MGST1: variants seen among roughly 807,000 people sequenced by gnomAD.
The protein encoded by MGST1 is microsomal glutathione S-transferase 1, also known as glutathione S-transferase 12.
MGST1 carries 5 observed loss-of-function variants against 8.9 expected under a neutral mutation model. That is an observed-to-expected ratio of 0.56 (90% CI 0.29 to 1.19). MGST1 has a LOEUF of 1.19. MGST1 is among the 50% of genes most tolerant of loss of function. The pLI is 0.08. For missense variants in MGST1, 182 were observed against 187.4 expected, an observed-to-expected ratio of 0.97 and a Z score of 0.17; for synonymous variants, 54 against 67.8, an observed-to-expected ratio of 0.80 and a Z score of 1.00.
intron 1 of MGST1, among the ~76,000 whole-genome samples, chr12:16,405,592 A>G (rs1421771157): frequency 1.3e-5 from 2 of 152,114 alleles, no homozygotes; most frequent in African/African-American, 4.8e-5. Context: ...TGATACCAAA[A>G]CCTGGCAGAA....
At chr12:16,461,710 T>C (rs1941222781) in intron 4 of MGST1, among the ~76,000 whole-genome samples, 1 of 152,162 alleles carries the variant, frequency 6.6e-6, no homozygotes. Flanking sequence ...AATATTAATA[T>C]GTGTCTCAAT....
Position 16,495,528 on chromosome 12 carries a change from T to G in MGST1, n.483-94000T>G, listed in dbSNP as rs566892374. ...CCAATAAAATAAAATGCAAGGTGAT[T>G]TGGAACTTTGATGCTCATGGTATAT... On this transcript the variant is annotated intron_variant and non_coding_transcript_variant, in intron 4 of 4. Transcript: ENST00000538857. 2.0e-5 allele frequency among the ~76,000 whole-genome samples: 3 copies of G among 152,188 alleles called. 1 individual carries two copies. In the East Asian group the frequency reaches 5.8e-4, roughly 29 times the overall value.
At chr12:16,472,741 T>C (rs947628444) in intron 4 of MGST1, among the ~76,000 whole-genome samples, 25 of 152,170 alleles carry the variant, frequency 1.6e-4, no homozygotes, top group African/African-American at 6.0e-4. Flanking sequence ...ACTTAGGTAG[T>C]GAATGAGTTT....
chr12:16,528,304 T>C (rs1427559491), intron 4 of MGST1, among the ~76,000 whole-genome samples: 3 of 151,914 alleles, frequency 2.0e-5, no homozygotes, highest in African/African-American at 7.2e-5. Context: ...ACTCAAGATA[T>C]GGTACTCTGG....
chr12:16,486,775 C>T (rs1009409137), intron 4 of MGST1, among the ~76,000 whole-genome samples: 1 of 152,144 alleles, frequency 6.6e-6, no homozygotes, highest in Non-Finnish European at 1.5e-5. Context: ...AATCATGTCA[C>T]GTAGCTGAAT....
At chr12:16,540,682 G>A (rs1332375970) in intron 4 of MGST1, among the ~76,000 whole-genome samples, 1 of 152,236 alleles carries the variant, frequency 6.6e-6, no homozygotes, top group African/African-American at 2.4e-5. Flanking sequence ...TGTAATGCCA[G>A]CACTTTGGGA....
intron 1 of MGST1, chr12:16,400,178 A>AG (rs1940642370): frequency 1.7e-6 from 2 of 1,154,140 alleles, no homozygotes; most frequent in Non-Finnish European, 2.6e-6. Flanking sequence ...TGTTTCCCTA[A>AG]GTCCGTGGTT....
intron 4 of MGST1, among the ~76,000 whole-genome samples, chr12:16,457,730 T>C (rs1470051239): frequency 1.3e-5 from 2 of 152,130 alleles, no homozygotes; most frequent in African/African-American, 4.8e-5. Context: ...ATCAAGGAAG[T>C]AATCTGCAGG....
At chr12:16,459,276 T>A (rs911270874) in intron 4 of MGST1, among the ~76,000 whole-genome samples, 1 of 152,074 alleles carries the variant, frequency 6.6e-6, no homozygotes, top group African/African-American at 2.4e-5. Context: ...TATAATAATA[T>A]CATCACCTAA....
At chr12:16,507,193 G>A (rs982811122) in intron 4 of MGST1, among the ~76,000 whole-genome samples, 2 of 152,092 alleles carry the variant, frequency 1.3e-5, no homozygotes, top group Non-Finnish European at 2.9e-5. Flanking sequence ...AAAGCAGAGG[G>A]TTCAAAACTT....
intron 1 of MGST1, among the ~76,000 whole-genome samples, chr12:16,432,784 T>C (rs1483112793): frequency 1.3e-5 from 2 of 151,564 alleles, no homozygotes; most frequent in Non-Finnish European, 2.9e-5. Flanking sequence ...CAATAGGCTG[T>C]GTAGATAAAT....
intron 1 of MGST1, among the ~76,000 whole-genome samples, chr12:16,349,572 C>T (rs936523442): frequency 1.3e-5 from 2 of 152,058 alleles, no homozygotes; most frequent in Non-Finnish European, 2.9e-5. Context: ...TCCTTACATA[C>T]TAAAGGTAGA....
intron 1 of MGST1, among the ~76,000 whole-genome samples, chr12:16,409,280 T>TTG (rs570470573): frequency 6.6e-6 from 1 of 151,852 alleles, no homozygotes; most frequent in African/African-American, 2.4e-5. Context: ...ATGTGTGTGT[T>TTG]TGTGTGTGTG....
rs3029719 is a variant in MGST1 at position 16,544,221 on chromosome 12, T to TACACAC, written n.483-45269_483-45264dup. Among the ~76,000 whole-genome samples, 5,701 of 138,754 alleles carry TACACAC rather than the reference T, an allele frequency of 0.041. 154 individuals are homozygous for TACACAC. Among genetic ancestry groups the TACACAC allele is most frequent in the African/African-American group, 0.075 (2,779 of 36,910 alleles). The allele number at this position is 138,754 out of a possible 152,430, so 91.0% of individuals were successfully genotyped here. On this transcript the variant is annotated intron_variant and non_coding_transcript_variant, in intron 4 of 4. Coordinates refer to the MGST1 transcript ENST00000538857. The surrounding 1 kb of genome is among the most constrained non-coding windows in gnomAD (Gnocchi z 4.8). ...TTAAATTGACACCTTAAGTAAGAAC[T>TACACAC]ACACACACACACACACACACACACA...
In MGST1 at chr12:16,363,811, C is replaced by T. The variant is rs1940107860; in HGVS notation, c.238C>T (p.Leu80Phe). Residue 80 changes from leucine to phenylalanine, a missense_variant, in exon 4 of 4, where the codon CTT (leucine) becomes TTT (phenylalanine). Leu to Phe is a conservative substitution (Grantham distance 22). Transcript: ENST00000396210. The surrounding 1 kb of genome is among the most constrained non-coding windows in gnomAD (Gnocchi z 4.6). ...TTTCCACAGAGCCCACCTGAATGAC[C>T]TTGAAAATATTATTCCATTTCTTGG... ...ERVRRAHLNDLENIIPFLGIG... is the reference protein window; with the variant it reads ...ERVRRAHLNDFENIIPFLGIG... 7 of 1,604,848 alleles carry T rather than the reference C, an allele frequency of 4.4e-6. No individual in the cohort carries two copies. Among genetic ancestry groups the T allele is most frequent in the Non-Finnish European group, 6.0e-6 (7 of 1,172,736 alleles).
rs1377501587 is a variant in MGST1, at chr12:16,517,092, A to T, written n.483-72436A>T. Among the ~76,000 whole-genome samples, 2 of 152,224 alleles carry T rather than the reference A, an allele frequency of 1.3e-5. No individual in the cohort carries two copies. The highest frequency in any genetic ancestry group is 4.8e-5 in the African/African-American group (2 of 41,468). ...ATGAAATTGGAGTTACATTAAAAAA[A>T]ATCAATATGTAACCTGAGAAGCGAT... On this transcript the variant is annotated intron_variant and non_coding_transcript_variant, in intron 4 of 4. Transcript: ENST00000538857. The surrounding 1 kb of genome is among the most constrained non-coding windows in gnomAD (Gnocchi z 4.2).
chr12:16,442,802 C>A (rs2137104793), downstream of MGST1, among the ~76,000 whole-genome samples: 1 of 150,780 alleles, frequency 6.6e-6, no homozygotes, highest in Middle Eastern at 3.4e-3. This position sits in a 1 kb window ranked among gnomAD's most constrained non-coding sequence, Gnocchi z 4.5. Flanking sequence ...CTTTTTTTTT[C>A]TTGGTCTGCT....
chr12:16,465,595 A>G (rs950407043), intron 4 of MGST1, among the ~76,000 whole-genome samples: 2 of 152,152 alleles, frequency 1.3e-5, no homozygotes, highest in African/African-American at 4.8e-5. Context: ...CCTTATAATA[A>G]TCTAATGCCT....
At chr12:16,539,229 C>T (rs1052671941) in intron 4 of MGST1, among the ~76,000 whole-genome samples, 1 of 151,892 alleles carries the variant, frequency 6.6e-6, no homozygotes, top group Non-Finnish European at 1.5e-5. Flanking sequence ...TCTTTGTTTC[C>T]CATCAACTTC....
Sources: gnomAD v4.1 joint callset for allele counts (sites outside exome capture counted in the v4.1 genomes callset) on GRCh38, gnomAD v4.1.1 for gene constraint, Gnocchi (gnomAD v3.1) non-coding constraint, MANE v1.5 for transcripts, NCBI Gene and HGNC (gene_info 2026-07-23, HGNC 2026-07-21) for gene names.